Variants in ESPL1 observed in about 807,000 individuals in gnomAD.
ESPL1 encodes separin.
ESPL1 carries 50 observed loss-of-function variants against 217.2 expected under a neutral mutation model. The ratio of observed to expected loss-of-function variants is 0.23; its 90% CI spans 0.18 to 0.29. The LOEUF (loss-of-function observed/expected upper bound fraction) is 0.29, where lower values mean the gene tolerates loss of function less well. Ranked by LOEUF, ESPL1 falls within the 10% of genes least tolerant of loss-of-function variation. The probability of loss-of-function intolerance (pLI) is 1.00; values close to 1 mark genes in which losing one functional copy is unlikely to be tolerated. For synonymous variants in ESPL1, 994 were observed against 1,081.3 expected (o/e 0.92, Z 1.58); for missense variants, 1,834 against 2,603.0 (o/e 0.70, Z 6.43).
chr12:53,292,801 C>T lies in ESPL1; in HGVS notation c.5997-5C>T, dbSNP rs1305334855. ...CAAGACTCATCTCACCTCCTTCTGC[C>T]TTAGCTATGCAGGGCATGGGGCTGG... On this transcript the variant is annotated splice_region_variant and splice_polypyrimidine_tract_variant and intron_variant, in intron 29 of 30. Transcript: ENST00000257934. The surrounding 1 kb of genome is among the most constrained non-coding windows in gnomAD (Gnocchi z 4.5). The T allele has an allele frequency of 1.2e-6, 2 of 1,608,168 alleles. No homozygotes were observed. Among genetic ancestry groups the T allele is most frequent in the Admixed American group, 1.7e-5 (1 of 60,018 alleles).
At position 53,292,914 on chromosome 12, in the gene ESPL1, T is replaced by G; in HGVS notation, c.6105T>G (p.Ala2035=). The G allele has an allele frequency of 6.2e-7, 1 of 1,614,002 alleles. No individual in the cohort carries two copies. Among genetic ancestry groups the G allele is most frequent in the Non-Finnish European group, 8.5e-7 (1 of 1,180,016 alleles). ...TTGGCTGTAGCAGTGCGGCCCTGGC[T>G]GTGCGTGGAAACCTGGAGGGGGCTG... is the stretch of plus-strand genomic sequence containing the variant. The part of the protein sequence containing the change: ...LLFGCSSAAL[A]VRGNLEGAGI... The change falls in exon 30 of 31, where the codon GCT becomes GCG. Residue 2035 remains alanine, a synonymous_variant. Coordinates refer to ENST00000257934, the MANE Select transcript of ESPL1 (RefSeq NM_012291.5). The surrounding 1 kb of genome is among the most constrained non-coding windows in gnomAD (Gnocchi z 4.5).
chr12:53,279,735 A>G lies in ESPL1; in HGVS notation c.2368A>G (p.Met790Val), dbSNP rs758985751. The change falls in exon 12 of 31, where the codon ATG becomes GTG. Residue 790 changes from methionine (M) to valine (V), a missense_variant. Met to Val is a conservative substitution (Grantham distance 21). This residue lies in a region of ESPL1 where 746 missense variants were observed against 1,077.0 expected (regional missense o/e 0.69). Coordinates refer to ENST00000257934, the MANE Select transcript of ESPL1 (RefSeq NM_012291.5). ...AALYQLVAKP[M>V]QALEVLLLLR... ...CTTGGCTGCTTCTGCTGACCAGCCCATGCAGGCTCTGGAGGTCCTCCTGCT... is the reference window on the plus strand; with the variant it reads ...CTTGGCTGCTTCTGCTGACCAGCCCGTGCAGGCTCTGGAGGTCCTCCTGCT... 1 of 1,614,098 alleles carries G rather than the reference A, an allele frequency of 6.2e-7. No homozygotes were observed. Among genetic ancestry groups the G allele is most frequent in the South Asian group, 1.1e-5 (1 of 91,078 alleles).
chr12:53,287,841 AAGTT>A, intron 18 of ESPL1, 127 bp from the exon 19 acceptor site: 1 of 853,348 alleles, frequency 1.2e-6, no homozygotes, highest in Non-Finnish European at 1.8e-6. Context: ...GTCATGTGAG[AAGTT>A]AGTTCTGAAA....
At chr12:53,270,937 AGT>A in intron 5 of ESPL1, 139 bp downstream of exon 5, 1 of 851,482 alleles carries the variant, frequency 1.2e-6, no homozygotes. Context: ...AATGTTTATA[AGT>A]ACCAGCTACT....
chr12:53,268,836 C>G lies in ESPL1; in HGVS notation c.70C>G (p.Pro24Ala). ...CCAGAAGGAGGCTGAAGAGTTGCTG[C>G]CCGCCTTGAAGGTGGGGGTGCTGCC... ...SSQKEAEELL[P>A]ALKEFLSNPP... The change falls in exon 2 of 31, where the codon CCC (proline) becomes GCC (alanine). Residue 24 changes from proline to alanine, a missense_variant. By Grantham distance (27) the Pro-to-Ala change is conservative (BLOSUM62 -1). Around this residue, in one of 5 missense-constraint regions of ESPL1, gnomAD observed 746 missense variants for 1,077.0 expected, o/e 0.69. Transcript: ENST00000257934. 1 of 1,611,830 alleles carries G rather than the reference C, an allele frequency of 6.2e-7. No homozygotes were observed.
rs1565766617 is a variant in ESPL1 at position 53,291,799 on chromosome 12, T to C, written c.5630T>C (p.Val1877Ala). 3 of 1,608,172 alleles carry C rather than the reference T, an allele frequency of 1.9e-6. No individual in the cohort carries two copies. The highest frequency in any genetic ancestry group is 1.7e-5 in the Admixed American group (1 of 58,656). Residue 1877 changes from valine (V) to alanine (A), a missense_variant, in exon 26 of 31, where the codon GTA becomes GCA. Val to Ala is a moderately conservative substitution (Grantham distance 64). Coordinates refer to ENST00000257934, the MANE Select transcript of ESPL1 (RefSeq NM_012291.5). ...ERAQELLNEA[V>A]GRLQGLTVPS... ...GCCCAGGAGCTCCTGAATGAGGCAG[T>C]AGGACGTCTACAGGGCCTGACAGTA...
chr12:53,279,710 CT>C, intron 11 of ESPL1, 21 bp from the exon 12 acceptor site: 1 of 1,613,898 alleles, frequency 6.2e-7, no homozygotes, highest in Non-Finnish European at 8.5e-7. Flanking sequence ...GTGGAGTAAA[CT>C]TGGCTGCTTC....
In ESPL1 at chr12:53,291,984, G is replaced by A; in HGVS notation, c.5692G>A (p.Asp1898Asn). The change falls in exon 27 of 31, where the codon GAC becomes AAC. Residue 1898 changes from aspartate (D) to asparagine (N), a missense_variant and splice_region_variant. Physicochemically the swap from Asp to Asn is conservative, Grantham distance 23. This residue lies in a region of ESPL1 where 295 missense variants were observed against 519.8 expected (regional missense o/e 0.57). Coordinates refer to ENST00000257934, the MANE Select transcript of ESPL1 (RefSeq NM_012291.5). ...NSHLVLVLDKDLQKLPWESMP... is the reference protein window; with the variant it reads ...NSHLVLVLDKNLQKLPWESMP... ...TAACCTCTTAGTGCTTTTTGCCCAG[G>A]ACTTGCAGAAGCTGCCGTGGGAAAG... is the stretch of plus-strand genomic sequence containing the variant. 6.2e-7 allele frequency: 1 copy of A among 1,613,734 alleles called. No individual in the cohort carries two copies. Among genetic ancestry groups the A allele is most frequent in the Non-Finnish European group, 8.5e-7 (1 of 1,179,862 alleles).
chr12:53,272,675 G>T lies in ESPL1; in HGVS notation c.1370-46G>T, dbSNP rs180737626. ...TGCTGCCTCTCCAGGAGGAGAGGGT[G>T]GTGGGAGCCTTTCCTATGGTCAATT... is the stretch of plus-strand genomic sequence containing the variant. On this transcript the variant is annotated intron_variant, in intron 5 of 30. Transcript: ENST00000257934. 4.2e-3 allele frequency: 6,739 copies of T among 1,598,798 alleles called. 23 individuals are homozygous for T. Among genetic ancestry groups the T allele is most frequent in the Middle Eastern group, 5.8e-3 (35 of 6,012 alleles).
chr12:53,272,028 AGT>A lies in ESPL1; in HGVS notation c.1370-691_1370-690del, dbSNP rs202220658. 3.5e-3 allele frequency among the ~76,000 whole-genome samples: 528 copies of A among 151,626 alleles called. 7 individuals carry two copies. Among genetic ancestry groups the A allele is most frequent in the African/African-American group, 0.012 (506 of 41,306 alleles). On this transcript the variant is annotated intron_variant, in intron 5 of 30. Coordinates refer to ENST00000257934, the MANE Select transcript of ESPL1 (RefSeq NM_012291.5). ...TGTGAACCCGGGAGGTGGAGCTTGC[AGT>A]GAGCCAAGATCGTGCCACTGCTCTC...
rs1235403516 is a variant in ESPL1, at chr12:53,282,384, C to G, written c.2740C>G (p.Leu914Val). Residue 914 changes from leucine (L) to valine (V), a missense_variant, in exon 14 of 31, where the codon CTC becomes GTC. Physicochemically the swap from Leu to Val is conservative, Grantham distance 32. Around this residue, in one of 5 missense-constraint regions of ESPL1, gnomAD observed 107 missense variants for 171.7 expected, o/e 0.62. Transcript: ENST00000257934. This position sits in a 1 kb window ranked among gnomAD's most constrained non-coding sequence, Gnocchi z 4.0. The part of the protein sequence containing the change: ...VLQLVAAYLS[L>V]PSNNLSHSLW... Reference sequence around the variant, plus strand: ...GCAGCTGGTGGCAGCTTACCTTAGCCTCCCGTCAAACAACCTCTCACACTC... The same window carrying G: ...GCAGCTGGTGGCAGCTTACCTTAGCGTCCCGTCAAACAACCTCTCACACTC... 3 of 1,614,086 alleles carry G rather than the reference C, an allele frequency of 1.9e-6. No individual in the cohort carries two copies. The African/African-American group carries it at 4.0e-5, about 22-fold the overall frequency.
rs1186156644 is a variant in ESPL1, at chr12:53,293,497, T to C, written c.*23T>C. ...TAACCCCATGGAGCTGTCTTATTGA[T>C]GCTAGAAGCCTCATAACTGTTCTAC... On this transcript the variant is annotated 3_prime_UTR_variant, in exon 31 of 31. Coordinates refer to ENST00000257934, the MANE Select transcript of ESPL1 (RefSeq NM_012291.5). The surrounding 1 kb of genome is among the most constrained non-coding windows in gnomAD (Gnocchi z 4.2). 23 of 1,561,426 alleles carry C rather than the reference T, an allele frequency of 1.5e-5. No individual in the cohort carries two copies. The highest frequency in any genetic ancestry group is 2.7e-5 in the African/African-American group (2 of 73,768).
Position 53,271,301 on chromosome 12 carries a change from C to T in ESPL1, c.1369+503C>T, listed in dbSNP as rs572844225. On this transcript the variant is annotated intron_variant, in intron 5 of 30. Coordinates refer to ENST00000257934, the MANE Select transcript of ESPL1 (RefSeq NM_012291.5). Reference sequence around the variant, plus strand: ...CGATCCTCCCACCTCAGCCCCGCAACGAGCTCACCTTGCAGGTTCAAGCGA... The same window carrying T: ...CGATCCTCCCACCTCAGCCCCGCAATGAGCTCACCTTGCAGGTTCAAGCGA... Among the ~76,000 whole-genome samples the T allele has an allele frequency of 5.3e-5, 8 of 150,760 alleles. No individual in the cohort carries two copies. The South Asian group carries it at 1.0e-3, about 20-fold the overall frequency.
In ESPL1 at chr12:53,288,567, G is replaced by A. The variant is rs781647767; in HGVS notation, c.4576G>A (p.Ala1526Thr). The A allele has an allele frequency of 2.5e-6, 4 of 1,613,392 alleles. No individual in the cohort carries two copies. The highest frequency in any genetic ancestry group is 2.5e-6 in the Non-Finnish European group (3 of 1,179,960). Reference protein sequence around the residue: ...GGKTPAPGPEAASGEWELLRL... With the variant: ...GGKTPAPGPETASGEWELLRL... ...GAAGACTCCAGCTCCGGGCCCTGAG[G>A]CAGCTTCTGGAGAATGGGAGCTGCT... The change falls in exon 20 of 31, where the codon GCA becomes ACA. Residue 1526 changes from alanine to threonine, a missense_variant. Ala to Thr is a moderately conservative substitution (Grantham distance 58). Coordinates refer to ENST00000257934, the MANE Select transcript of ESPL1 (RefSeq NM_012291.5).
At position 53,293,445 on chromosome 12, in the gene ESPL1, G is replaced by A; in HGVS notation, c.6334G>A (p.Ala2112Thr). 6.2e-7 allele frequency: 1 copy of A among 1,614,122 alleles called. No individual in the cohort carries two copies. Among genetic ancestry groups the A allele is most frequent in the Non-Finnish European group, 8.5e-7 (1 of 1,180,010 alleles). ...LKYLIGAAPI[A>T]YGLPVSLR ...GTATCTTATTGGGGCTGCACCTATA[G>A]CCTATGGCTTGCCTGTCTCTCTGCG... The change falls in exon 31 of 31, where the codon GCC becomes ACC. Residue 2112 changes from alanine to threonine, a missense_variant. This residue lies in a region of ESPL1 where 295 missense variants were observed against 519.8 expected (regional missense o/e 0.57). Transcript: ENST00000257934. This position sits in a 1 kb window ranked among gnomAD's most constrained non-coding sequence, Gnocchi z 4.2.
Position 53,281,369 on chromosome 12 carries a change from C to A in ESPL1, c.2500-138C>A, listed in dbSNP as rs1355114173. ...GGCCAGGCTGGTCTTGAACTCCTGA[C>A]CTCAGGTGATCCGCCCACCTTGGCC... On this transcript the variant is annotated intron_variant, in intron 12 of 30. Transcript: ENST00000257934. 4 of 717,802 alleles carry A rather than the reference C, an allele frequency of 5.6e-6. No homozygotes were observed. In the East Asian group the frequency reaches 1.2e-4, roughly 22 times the overall value. 44.5% of individuals were successfully genotyped at this position (717,802 alleles called of 1,614,324 possible).
At chr12:53,273,924 C>T (rs113682675) in intron 6 of ESPL1, among the ~76,000 whole-genome samples, 1 of 122,770 alleles carries the variant, frequency 8.1e-6, no homozygotes, top group East Asian at 3.0e-4. Context: ...GGCACGATCT[C>T]GGCTCACTGC....
Position 53,286,165 on chromosome 12 carries a change from A to C in ESPL1, c.3429A>C (p.Ser1143=), listed in dbSNP as rs893486672. The change falls in exon 18 of 31, where the codon TCA becomes TCC. Residue 1143 remains serine, a synonymous_variant. Transcript: ENST00000257934. This position sits in a 1 kb window ranked among gnomAD's most constrained non-coding sequence, Gnocchi z 5.3. The stretch of plus-strand genomic sequence containing the variant: ...CCATACCCAACTTCCTGTCCCATTC[A>C]CCCACCTGTGACTGCTCGCTCTGCG... ...PQPIPNFLSH[S]PTCDCSLCAS... The C allele has an allele frequency of 6.2e-7, 1 of 1,614,000 alleles. No individual in the cohort carries two copies. Among genetic ancestry groups the C allele is most frequent in the Non-Finnish European group, 8.5e-7 (1 of 1,179,984 alleles).
In ESPL1 at chr12:53,280,979, C is replaced by T. The variant is rs1240061413; in HGVS notation, c.2500-528C>T. Among the ~76,000 whole-genome samples, 8 of 148,316 alleles carry T rather than the reference C, an allele frequency of 5.4e-5. No homozygotes were observed. In the East Asian group the frequency reaches 1.6e-3, roughly 30 times the overall value. ...TGCACTCCAGCCTGGGCAACAAGAGCGAAACTCCGTCCTAAAAAAAAAAAA... is the reference window on the plus strand; with the variant it reads ...TGCACTCCAGCCTGGGCAACAAGAGTGAAACTCCGTCCTAAAAAAAAAAAA... On this transcript the variant is annotated intron_variant, in intron 12 of 30. Transcript: ENST00000257934.
Sources: allele counts gnomAD v4.1 joint callset (sites outside exome capture counted in the v4.1 genomes callset), GRCh38; gene constraint gnomAD v4.1.1; regional missense constraint gnomAD v4.1.1; non-coding constraint Gnocchi (gnomAD v3.1); transcripts MANE v1.5; gene names NCBI Gene and HGNC (gene_info 2026-07-23, HGNC 2026-07-21).